The following GNG4 variants were observed in gnomAD, a reference collection of about 807,000 sequenced individuals.
GNG4 encodes guanine nucleotide-binding protein G(I)/G(S)/G(O) subunit gamma-4.
GNG4 carries 4 observed loss-of-function variants against 5.8 expected under a neutral mutation model. The ratio of observed to expected loss-of-function variants is 0.69; its 90% CI spans 0.34 to 1.57. GNG4 has a LOEUF of 1.57. Ranked by LOEUF, GNG4 falls within the 40% of genes most tolerant of loss-of-function variation. The pLI, the probability that GNG4 is intolerant of heterozygous loss-of-function variation, is 0.06. For synonymous variants in GNG4, 29 were observed against 32.9 expected, an observed-to-expected ratio of 0.88 and a Z score of 0.41; for missense variants, 96 against 95.1, an observed-to-expected ratio of 1.01 and a Z score of -0.04.
At chr1:235,645,538 C>T (rs1174804202) in intron 1 of GNG4, among the ~76,000 whole-genome samples, 3 of 152,144 alleles carry the variant, frequency 2.0e-5, no homozygotes, top group Admixed American at 2.0e-4. Context: ...TGGCTCACAC[C>T]TGTAATCCCA....
chr1:235,615,702 C>A (rs989660195), intron 1 of GNG4: 6 of 236,724 alleles, frequency 2.5e-5, no homozygotes, highest in Non-Finnish European at 5.3e-5. Context: ...ATCACATAGA[C>A]ATAGCCATTA....
At chr1:235,563,279 C>T (rs1044497263) in intron 3 of GNG4, among the ~76,000 whole-genome samples, 7 of 151,718 alleles carry the variant, frequency 4.6e-5, no homozygotes, top group African/African-American at 1.7e-4. Context: ...AAAAATTAGC[C>T]GGGCGTAGCG....
chr1:235,602,404 AC>A (rs532808079), intron 1 of GNG4, among the ~76,000 whole-genome samples: 150 of 152,312 alleles, frequency 9.8e-4, no homozygotes, highest in Admixed American at 2.1e-3. Context: ...GAAAGAGCCC[AC>A]GTCCCCAAAT....
chr1:235,580,913 G>A (rs1687618023), intron 3 of GNG4, among the ~76,000 whole-genome samples: 1 of 151,994 alleles, frequency 6.6e-6, no homozygotes, highest in South Asian at 2.1e-4. Flanking sequence ...ACCAGACCCA[G>A]CTAATTTTTG....
At position 235,649,334 on chromosome 1, in the gene GNG4, A is replaced by T. The variant is rs1203245557; in HGVS notation, c.-123+328T>A. ...ACGCTCTGTGACCTACAAATGGAAG[A>T]GGGGACCCCCGAGCCCCCGCCTGCC... On this transcript the variant is annotated intron_variant, in intron 1 of 3. Transcript: ENST00000391854. The surrounding 1 kb of genome is among the most constrained non-coding windows in gnomAD (Gnocchi z 5.7). 6.6e-6 allele frequency among the ~76,000 whole-genome samples: 1 copy of T among 152,144 alleles called. No homozygotes were observed. The highest frequency in any genetic ancestry group is 2.4e-5 in the African/African-American group (1 of 41,436).
At chr1:235,646,033 C>G (rs1657501555) in intron 1 of GNG4, among the ~76,000 whole-genome samples, 1 of 152,032 alleles carries the variant, frequency 6.6e-6, no homozygotes. Context: ...GGCTGTTGTC[C>G]CGCCTCATGC....
At chr1:235,580,257 G>C (rs972500110) in intron 3 of GNG4, among the ~76,000 whole-genome samples, 5 of 152,192 alleles carry the variant, frequency 3.3e-5, no homozygotes, top group Admixed American at 2.0e-4. Flanking sequence ...ACCAGGCATG[G>C]GCAGGGCGAA....
chr1:235,628,439 G>C (rs1004565144), intron 1 of GNG4, among the ~76,000 whole-genome samples: 1 of 151,832 alleles, frequency 6.6e-6, no homozygotes, highest in African/African-American at 2.4e-5. Flanking sequence ...CAAGACCCTA[G>C]AACAAAATGG....
chr1:235,582,355 C>G (rs1687658697), intron 3 of GNG4, among the ~76,000 whole-genome samples: 1 of 152,254 alleles, frequency 6.6e-6, no homozygotes, highest in Non-Finnish European at 1.5e-5. Context: ...TGCCCAGCTG[C>G]TCCACACGAG....
At chr1:235,592,330 AC>A (rs1687991003) in intron 2 of GNG4, among the ~76,000 whole-genome samples, 1 of 152,040 alleles carries the variant, frequency 6.6e-6, no homozygotes, top group Non-Finnish European at 1.5e-5. Flanking sequence ...ACATGGTGAA[AC>A]CCCGTCTTTA....
chr1:235,590,378 C>G (rs185066533), intron 2 of GNG4, among the ~76,000 whole-genome samples: 30 of 152,166 alleles, frequency 2.0e-4, no homozygotes, highest in Admixed American at 7.2e-4. Context: ...TTGCTTGAAC[C>G]TGGAAGGCAG....
At chr1:235,570,962 CTTTTT>C (rs544210922) in intron 3 of GNG4, among the ~76,000 whole-genome samples, 11 of 103,974 alleles carry the variant, frequency 1.1e-4, no homozygotes, top group African/African-American at 1.5e-4. Context: ...ATATACATAC[CTTTTT>C]TTTTTTTTTT....
intron 1 of GNG4, among the ~76,000 whole-genome samples, chr1:235,601,921 G>A (rs1477745867): frequency 6.6e-6 from 1 of 152,058 alleles, no homozygotes; most frequent in Non-Finnish European, 1.5e-5. Flanking sequence ...AGGCATCAAT[G>A]TCCCCTGGGA....
intron 3 of GNG4, among the ~76,000 whole-genome samples, chr1:235,576,128 T>C (rs918563768): frequency 1.3e-5 from 2 of 150,344 alleles, no homozygotes; most frequent in African/African-American, 2.5e-5. Flanking sequence ...TGGCGTGATC[T>C]GGGCTCACTG....
rs1236595747 is a variant in GNG4, at chr1:235,649,128, C to A, written c.-123+534G>T. Among the ~76,000 whole-genome samples the A allele has an allele frequency of 6.6e-6, 1 of 152,164 alleles. No individual in the cohort carries two copies. Among genetic ancestry groups the A allele is most frequent in the African/African-American group, 2.4e-5 (1 of 41,442 alleles). ...AGGTGAGGAAAACCACCCTCAGCTGCGGTGGCTCCAGCGTCACCCCGAGTG... is the reference window on the plus strand; with the variant it reads ...AGGTGAGGAAAACCACCCTCAGCTGAGGTGGCTCCAGCGTCACCCCGAGTG... On this transcript the variant is annotated intron_variant, in intron 1 of 3. Transcript: ENST00000391854. This position sits in a 1 kb window ranked among gnomAD's most constrained non-coding sequence, Gnocchi z 5.7.
chr1:235,595,673 C>T (rs182929362), intron 1 of GNG4, among the ~76,000 whole-genome samples, 162 bp from the exon 2 acceptor site: 28 of 152,138 alleles, frequency 1.8e-4, no homozygotes, highest in South Asian at 6.2e-4. Context: ...ATGGGGAGCT[C>T]GAGGCAGACA....
intron 1 of GNG4, among the ~76,000 whole-genome samples, chr1:235,607,527 G>A (rs2102966466): frequency 6.6e-6 from 1 of 152,368 alleles, no homozygotes; most frequent in South Asian, 2.1e-4. Flanking sequence ...ATGCAGACAA[G>A]TGGTTCTGTG....
rs1424009459 is a variant in GNG4 at position 235,648,211 on chromosome 1, A to C, written c.-123+1451T>G. On this transcript the variant is annotated intron_variant, in intron 1 of 3. Coordinates refer to ENST00000391854, the MANE Select transcript of GNG4 (RefSeq NM_001098722.2). The surrounding 1 kb of genome is among the most constrained non-coding windows in gnomAD (Gnocchi z 5.0). ...GGAGGTGGGGGCCAACAGGAAGTCC[A>C]TTGTCCTAAATAGTCATTTCAGCCT... Among the ~76,000 whole-genome samples the C allele has an allele frequency of 6.6e-6, 1 of 152,136 alleles. No homozygotes were observed. The highest frequency in any genetic ancestry group is 1.5e-5 in the Non-Finnish European group (1 of 68,022).
At chr1:235,619,200 CACATAT>C (rs1688660314) in intron 1 of GNG4, among the ~76,000 whole-genome samples, 2 of 139,582 alleles carry the variant, frequency 1.4e-5, no homozygotes, top group African/African-American at 5.3e-5. Context: ...TATACACACA[CACATAT>C]ATATATATAC....
Sources: allele counts gnomAD v4.1 joint callset (sites outside exome capture counted in the v4.1 genomes callset), GRCh38; gene constraint gnomAD v4.1.1; non-coding constraint Gnocchi (gnomAD v3.1); transcripts MANE v1.5; gene names NCBI Gene and HGNC (gene_info 2026-07-23, HGNC 2026-07-21).